Variants in PPA1 observed in about 807,000 individuals in gnomAD.
PPA1 encodes the protein inorganic pyrophosphatase.
PPA1 carries 23 observed loss-of-function variants against 41.8 expected under a neutral mutation model. The observed-to-expected ratio is 0.55, with a 90% CI of 0.40 to 0.78. The LOEUF is 0.78. PPA1 is among the 30% of genes least tolerant of loss of function. The pLI is 0.00. For missense variants in PPA1, 320 were observed against 361.6 expected (o/e 0.89, Z 0.93); for synonymous variants, 101 against 116.8 (o/e 0.86, Z 0.87).
intron 4 of PPA1, among the ~76,000 whole-genome samples, chr10:70,217,480 C>A (rs549692874): frequency 1.3e-5 from 2 of 152,212 alleles, no homozygotes; most frequent in East Asian, 3.9e-4. Context: ...AAAATCAGTG[C>A]TTTTGACTAC....
rs1839901070 is a variant in PPA1, at chr10:70,203,202, A to G, written c.839-16T>C. 6.3e-7 allele frequency: 1 copy of G among 1,599,410 alleles called. No individual in the cohort carries two copies. Reference sequence around the variant, plus strand: ...CACTTATCCACTGTATTCAGAGAAAAGAAAAACAAATTAGAATTCCTGTTG... The same window carrying G: ...CACTTATCCACTGTATTCAGAGAAAGGAAAAACAAATTAGAATTCCTGTTG... On this transcript the variant is annotated splice_polypyrimidine_tract_variant and intron_variant, in intron 10 of 10. Transcript: ENST00000373232.
chr10:70,224,850 C>A (rs1840210595), intron 2 of PPA1, among the ~76,000 whole-genome samples: 1 of 152,092 alleles, frequency 6.6e-6, no homozygotes, highest in African/African-American at 2.4e-5. Context: ...CCTGCCTCAG[C>A]CTCCCGAGTA....
chr10:70,221,075 T>TAA (rs1840160348), intron 2 of PPA1, among the ~76,000 whole-genome samples: 4 of 15,170 alleles, frequency 2.6e-4, no homozygotes, highest in Non-Finnish European at 4.1e-4. Flanking sequence ...TATATATATA[T>TAA]ATTTTTTTTT....
intron 4 of PPA1, among the ~76,000 whole-genome samples, chr10:70,216,895 C>T (rs1364073775): frequency 1.3e-5 from 2 of 152,146 alleles, no homozygotes; most frequent in African/African-American, 2.4e-5. Context: ...TTAGGCCAGA[C>T]ATGGTGGCTC....
chr10:70,206,156 T>A (rs1839936717), intron 9 of PPA1, 108 bp downstream of exon 9: 1 of 859,414 alleles, frequency 1.2e-6, no homozygotes. Flanking sequence ...GTAACATGCA[T>A]ACAAAAGGCA....
intron 2 of PPA1, among the ~76,000 whole-genome samples, chr10:70,228,100 C>T (rs181366369): frequency 2.8e-4 from 42 of 152,292 alleles, no homozygotes; most frequent in Middle Eastern, 3.4e-3. Context: ...GAGGTCTAGA[C>T]TACTGGTAAA....
chr10:70,221,076 A>ATATTTTT (rs1224550178), intron 2 of PPA1, among the ~76,000 whole-genome samples: 1 of 40,028 alleles, frequency 2.5e-5, no homozygotes, highest in East Asian at 7.2e-4. Context: ...ATATATATAT[A>ATATTTTT]TTTTTTTTTT....
intron 3 of PPA1, 100 bp downstream of exon 3, chr10:70,218,664 A>G (rs1840104134): frequency 1.1e-6 from 1 of 945,988 alleles, no homozygotes; most frequent in Admixed American, 2.1e-5. Flanking sequence ...CCAGACAGAG[A>G]AAAACCTTGA....
At chr10:70,224,182 A>G (rs747583576) in intron 2 of PPA1, among the ~76,000 whole-genome samples, 81 of 10,720 alleles carry the variant, frequency 7.6e-3, no homozygotes, top group Non-Finnish European at 0.024. Flanking sequence ...AGGCTGAGGC[A>G]AGAGGATTGC....
At chr10:70,217,036 G>T (rs909976459) in intron 4 of PPA1, among the ~76,000 whole-genome samples, 2 of 152,038 alleles carry the variant, frequency 1.3e-5, no homozygotes, top group Non-Finnish European at 2.9e-5. Context: ...GACACCTGTA[G>T]TCCCAGCTAC....
intron 6 of PPA1, 41 bp downstream of exon 6, chr10:70,213,422 G>A (rs1345055936): frequency 6.2e-7 from 1 of 1,607,618 alleles, no homozygotes; most frequent in African/African-American, 1.3e-5. Flanking sequence ...TGGTGCTTAT[G>A]AATTAATTAG....
intron 3 of PPA1, 197 bp downstream of exon 3, chr10:70,218,567 G>A: frequency 1.8e-6 from 1 of 542,038 alleles, no homozygotes; most frequent in South Asian, 2.5e-5. Flanking sequence ...AAAAGTTTGG[G>A]GCATATTTGT....
intron 2 of PPA1, among the ~76,000 whole-genome samples, chr10:70,222,834 TC>T (rs1452939214): frequency 2.2e-5 from 2 of 92,716 alleles, no homozygotes; most frequent in East Asian, 7.1e-4. Flanking sequence ...CCTTTCCCCC[TC>T]CCCCCACCCC....
intron 1 of PPA1, among the ~76,000 whole-genome samples, chr10:70,232,501 G>A (rs887266247): frequency 6.6e-6 from 1 of 152,180 alleles, no homozygotes; most frequent in Admixed American, 6.5e-5. Context: ...CGGTTTCCCC[G>A]TGCAGCCCTA....
At chr10:70,210,225 CATGCACACGCCCAGCTA>C in intron 6 of PPA1, 1 of 418,818 alleles carries the variant, frequency 2.4e-6, no homozygotes, top group South Asian at 1.9e-5. Context: ...GGACTATAAG[CATGCACACGCCCAGCTA>C]ATTTTTAAAT....
chr10:70,233,179 C>T (rs1235618469), intron 1 of PPA1, 85 bp downstream of exon 1: 17 of 1,422,628 alleles, frequency 1.2e-5, no homozygotes, highest in Non-Finnish European at 1.6e-5. Context: ...TGGGGCCGAG[C>T]GCGGGCCGCA....
At chr10:70,210,201 C>T (rs1564581262) in intron 6 of PPA1, 1 of 366,770 alleles carries the variant, frequency 2.7e-6, no homozygotes, top group East Asian at 8.3e-5. Context: ...TCACCTCAGC[C>T]TCCTGAGTAG....
At chr10:70,233,110 A>G (rs1840307207) in intron 1 of PPA1, among the ~76,000 whole-genome samples, 154 bp downstream of exon 1, 1 of 152,106 alleles carries the variant, frequency 6.6e-6, no homozygotes, top group Non-Finnish European at 1.5e-5. Flanking sequence ...GCAAGTATGC[A>G]ATGTGAGGCC....
intron 2 of PPA1, among the ~76,000 whole-genome samples, chr10:70,229,943 T>G (rs951697277): frequency 2.6e-5 from 4 of 152,170 alleles, no homozygotes; most frequent in African/African-American, 9.7e-5. Flanking sequence ...AGGGTCTCAC[T>G]CTGTCACCCA....
Sources: allele counts gnomAD v4.1 joint callset (sites outside exome capture counted in the v4.1 genomes callset), GRCh38; gene constraint gnomAD v4.1.1; transcripts MANE v1.5; gene names NCBI Gene and HGNC (gene_info 2026-07-23, HGNC 2026-07-21).